The following SASH1 variants were observed in gnomAD, a reference collection of about 807,000 sequenced individuals.
SASH1 encodes SAM and SH3 domain-containing protein 1.
Under a neutral mutation model 125.2 loss-of-function variants are expected in SASH1, and 44 were observed. The observed-to-expected ratio is 0.35, with a 90% confidence interval of 0.28 to 0.45. The LOEUF (loss-of-function observed/expected upper bound fraction) is 0.45. Ranked by LOEUF, SASH1 falls within the 20% of genes least tolerant of loss-of-function variation. The pLI is 1.00. For synonymous variants in SASH1, 639 were observed against 649.1 expected (o/e 0.98, Z 0.24); for missense variants, 1,426 against 1,614.5 (o/e 0.88, Z 2.00).
intron 8 of SASH1, among the ~76,000 whole-genome samples, chr6:148,498,473 C>T (rs1376228720): frequency 6.6e-6 from 1 of 151,478 alleles, no homozygotes; most frequent in East Asian, 1.9e-4. Context: ...ACAAAATAAC[C>T]CAGATACTAT....
chr6:148,434,153 T>A (rs952274205), intron 2 of SASH1, among the ~76,000 whole-genome samples: 6 of 142,360 alleles, frequency 4.2e-5, no homozygotes, highest in Admixed American at 7.7e-5. Context: ...CTTGGCTCAC[T>A]GCAAGCTCTG....
At position 148,534,734 on chromosome 6, in the gene SASH1, CCTT is replaced by C. The variant is rs764685741; in HGVS notation, c.1945-14_1945-12del. On this transcript the variant is annotated splice_polypyrimidine_tract_variant and intron_variant, in intron 15 of 19. Transcript: ENST00000367467. ...GGGCTGGCTGACACCCTTCTGTCTT[CCTT>C]CTCCCTCTCACAGGAGCACATGCCC... 1 of 1,614,024 alleles carries C rather than the reference CCTT, an allele frequency of 6.2e-7. No individual in the cohort carries two copies.
chr6:148,306,214 T>A (rs1375050201), intron 1 of SASH1, among the ~76,000 whole-genome samples: 1 of 152,168 alleles, frequency 6.6e-6, no homozygotes. Context: ...CCTACTTCTT[T>A]CTCTTTCCAC....
intron 1 of SASH1, among the ~76,000 whole-genome samples, chr6:148,309,190 C>T (rs6902379): frequency 0.27 from 40,582 of 151,596 alleles, 5,625 homozygotes; most frequent in South Asian, 0.35. Flanking sequence ...ACAGAATATT[C>T]GGTGAGAACT....
intron 1 of SASH1, among the ~76,000 whole-genome samples, chr6:148,289,861 G>GTTTTTTTTTTTTTTTTTTT (rs144013796): frequency 1.2e-5 from 1 of 85,892 alleles, no homozygotes. Flanking sequence ...TTTTGGTTGT[G>GTTTTTTTTTTTTTTTTTTT]TTTTTTTTTT....
intron 1 of SASH1, among the ~76,000 whole-genome samples, chr6:148,325,944 CT>C (rs1780783615): frequency 6.6e-6 from 1 of 151,830 alleles, no homozygotes; most frequent in South Asian, 2.1e-4. Flanking sequence ...GGTTAGGTTC[CT>C]TATGGCCATT....
chr6:148,309,170 A>G (rs1323119891), intron 1 of SASH1, among the ~76,000 whole-genome samples: 5 of 151,124 alleles, frequency 3.3e-5, no homozygotes, highest in Non-Finnish European at 7.4e-5. Flanking sequence ...GCCTGGGGGG[A>G]AAAAAGAGTA....
At chr6:148,320,939 AC>A (rs1780618597) in intron 1 of SASH1, among the ~76,000 whole-genome samples, 1 of 152,192 alleles carries the variant, frequency 6.6e-6, no homozygotes, top group Non-Finnish European at 1.5e-5. Context: ...AGTACTTCTT[AC>A]TAACTCAGAT....
intron 2 of SASH1, among the ~76,000 whole-genome samples, chr6:148,417,422 T>C (rs1784868711): frequency 2.0e-5 from 3 of 151,964 alleles, no homozygotes; most frequent in South Asian, 4.2e-4. Context: ...CCGTGGCTAC[T>C]AAAAATACAA....
the SASH1 span, among the ~76,000 whole-genome samples, chr6:148,245,616 C>CTTTT: frequency 6.6e-6 from 1 of 152,180 alleles, no homozygotes; most frequent in Non-Finnish European, 1.5e-5. Flanking sequence ...TTTCGGAAGA[C>CTTTT]ATGTTAGTGA....
At position 148,379,590 on chromosome 6, in the gene SASH1, GCCATCCATCCATCAATCCAT is replaced by G. The variant is rs1276398256; in HGVS notation, c.157-10530_157-10511del. On this transcript the variant is annotated intron_variant, in intron 1 of 19. Transcript: ENST00000367467. ...AGGAAAGAGAGGGATCAACTTTACTGCCATCCATCCATCAATCCATCCATCCATCCATCCATCCATCTGTT... is the reference window on the plus strand; with the variant it reads ...AGGAAAGAGAGGGATCAACTTTACTGCCATCCATCCATCCATCCATCTGTT... Among the ~76,000 whole-genome samples, 11 of 152,086 alleles carry G rather than the reference GCCATCCATCCATCAATCCAT, an allele frequency of 7.2e-5. No individual in the cohort carries two copies. In the South Asian group the frequency reaches 2.3e-3, roughly 32 times the overall value.
intron 1 of SASH1, among the ~76,000 whole-genome samples, chr6:148,387,992 C>T (rs1386000619): frequency 4.1e-5 from 6 of 146,948 alleles, no homozygotes; most frequent in South Asian, 4.4e-4. Flanking sequence ...CCTGGCTCAC[C>T]GCAACCTCTG....
At chr6:148,230,327 G>T in the SASH1 span, among the ~76,000 whole-genome samples, 2 of 151,732 alleles carry the variant, frequency 1.3e-5, no homozygotes, top group Admixed American at 6.6e-5. Flanking sequence ...CAATATAAGA[G>T]ATTTTTGTTT....
chr6:148,353,044 A>G (rs538610274), intron 1 of SASH1, among the ~76,000 whole-genome samples: 20 of 152,214 alleles, frequency 1.3e-4, no homozygotes, highest in African/African-American at 2.9e-4. Context: ...GAATTAATAT[A>G]TCTTTATTTT....
At chr6:148,325,440 C>G (rs534092497) in intron 1 of SASH1, among the ~76,000 whole-genome samples, 93 of 152,176 alleles carry the variant, frequency 6.1e-4, no homozygotes, top group Non-Finnish European at 9.9e-4. Context: ...CCACGCCCAG[C>G]TAATTTTTAA....
chr6:148,400,134 T>TTC (rs1420457063), intron 2 of SASH1, among the ~76,000 whole-genome samples: 3 of 152,064 alleles, frequency 2.0e-5, no homozygotes, highest in Admixed American at 1.3e-4. Flanking sequence ...CAGAGTGGGT[T>TTC]TCTGTAGCTG....
At chr6:148,199,027 G>A in the SASH1 span, among the ~76,000 whole-genome samples, 1 of 152,200 alleles carries the variant, frequency 6.6e-6, no homozygotes, top group Non-Finnish European at 1.5e-5. Flanking sequence ...TTGAGGCAAA[G>A]AGAAGTTAAA....
chr6:148,497,343 G>T (rs1779355666), intron 8 of SASH1, among the ~76,000 whole-genome samples: 2 of 152,146 alleles, frequency 1.3e-5, no homozygotes, highest in African/African-American at 4.8e-5. Flanking sequence ...AAAGTTTTCA[G>T]GCATGTATTT....
intron 1 of SASH1, among the ~76,000 whole-genome samples, chr6:148,326,335 T>TATATATATATATATATATGC (rs1780804815): frequency 3.0e-5 from 2 of 67,142 alleles, no homozygotes; most frequent in African/African-American, 1.1e-4. Flanking sequence ...TATATATATA[T>TATATATATATATATATATGC]ATATATATAT....
Sources: allele counts gnomAD v4.1 joint callset (sites outside exome capture counted in the v4.1 genomes callset), GRCh38; gene constraint gnomAD v4.1.1; transcripts MANE v1.5; gene names NCBI Gene and HGNC (gene_info 2026-07-23, HGNC 2026-07-21).